Variants in DOCK3 observed in about 807,000 individuals in gnomAD.
DOCK3 encodes dedicator of cytokinesis protein 3.
DOCK3 carries 60 observed loss-of-function variants against 265.6 expected under a neutral mutation model. The observed-to-expected ratio is 0.23, with a 90% CI of 0.18 to 0.28. DOCK3 has a LOEUF of 0.28. DOCK3 is among the 10% of genes least tolerant of loss of function. DOCK3 has a pLI of 1.00. For missense variants in DOCK3, 1,981 were observed against 2,594.3 expected (o/e 0.76, Z 5.14); for synonymous variants, 881 against 938.0 (o/e 0.94, Z 1.11).
chr3:51,002,670 A>G (rs143150255), intron 5 of DOCK3, among the ~76,000 whole-genome samples: 1 of 152,330 alleles, frequency 6.6e-6, no homozygotes, highest in East Asian at 1.9e-4. Flanking sequence ...ATTTGTTTAA[A>G]CAGCCTTGAA....
At chr3:51,294,225 G>A (rs539653603) in intron 27 of DOCK3, among the ~76,000 whole-genome samples, 1 of 152,226 alleles carries the variant, frequency 6.6e-6, no homozygotes, top group Non-Finnish European at 1.5e-5. Flanking sequence ...TTTTTAACAT[G>A]TGGTATATAT....
rs767610954 is a variant in DOCK3 at position 50,839,072 on chromosome 3, A to C, written c.122-2603A>C. 4.1e-4 allele frequency among the ~76,000 whole-genome samples: 63 copies of C among 152,238 alleles called. 1 individual carries two copies. The highest frequency in any genetic ancestry group is 2.6e-4 in the Non-Finnish European group (18 of 68,040). On this transcript the variant is annotated intron_variant, in intron 2 of 52. Coordinates refer to ENST00000266037, the MANE Select transcript of DOCK3 (RefSeq NM_004947.5). The stretch of plus-strand genomic sequence containing the variant: ...GGAGGAGGGTTGACTACAAGAGAGC[A>C]TGGTGTCACATTTGCATTATCATTA...
intron 49 of DOCK3, among the ~76,000 whole-genome samples, chr3:51,368,898 A>C (rs1466576075): frequency 6.6e-6 from 1 of 152,244 alleles, no homozygotes. Context: ...GCTGTTCTGC[A>C]GCGTCCACTG....
chr3:50,803,453 G>A (rs1384866937), intron 2 of DOCK3, among the ~76,000 whole-genome samples: 1 of 152,130 alleles, frequency 6.6e-6, no homozygotes, highest in African/African-American at 2.4e-5. Flanking sequence ...GAACAAAATG[G>A]AGTCTCCCAT....
intron 1 of DOCK3, among the ~76,000 whole-genome samples, chr3:50,710,509 A>T (rs2036690809): frequency 6.6e-6 from 1 of 152,170 alleles, no homozygotes; most frequent in Non-Finnish European, 1.5e-5. Flanking sequence ...ATAATAATAA[A>T]AAGATGTTGA....
intron 1 of DOCK3, among the ~76,000 whole-genome samples, chr3:50,708,067 G>A (rs1482698325): frequency 6.6e-6 from 1 of 152,204 alleles, no homozygotes; most frequent in Non-Finnish European, 1.5e-5. Flanking sequence ...CACTTGGATA[G>A]CATGTGCAGA....
intron 9 of DOCK3, among the ~76,000 whole-genome samples, chr3:51,107,096 C>G (rs762148176): frequency 5.3e-5 from 8 of 152,144 alleles, no homozygotes; most frequent in African/African-American, 1.4e-4. Context: ...CTGAGCTGAG[C>G]CTTGGTCTCC....
intron 9 of DOCK3, among the ~76,000 whole-genome samples, chr3:51,093,085 T>C (rs1302200972): frequency 6.6e-6 from 1 of 152,206 alleles, no homozygotes; most frequent in Non-Finnish European, 1.5e-5. Context: ...ACCGTAGCCT[T>C]GTAGTATAGT....
chr3:51,006,252 C>CTT (rs11435468), intron 5 of DOCK3, among the ~76,000 whole-genome samples: 1,901 of 143,772 alleles, frequency 0.013, 41 homozygotes, highest in African/African-American at 0.037. Flanking sequence ...CCCAATCCTG[C>CTT]TTTTTTTTTT....
chr3:51,206,016 C>T (rs1410480365), intron 12 of DOCK3, among the ~76,000 whole-genome samples: 4 of 152,210 alleles, frequency 2.6e-5, no homozygotes, highest in African/African-American at 9.7e-5. Context: ...TGCTCCCATC[C>T]TCCTTGACTC....
At chr3:50,914,652 A>G (rs1364659165) in intron 4 of DOCK3, among the ~76,000 whole-genome samples, 2 of 152,068 alleles carry the variant, frequency 1.3e-5, no homozygotes, top group Non-Finnish European at 2.9e-5. Flanking sequence ...TGATGATATG[A>G]ATGTTTATTC....
chr3:51,188,278 T>C (rs1560181012), intron 12 of DOCK3, among the ~76,000 whole-genome samples: 1 of 152,238 alleles, frequency 6.6e-6, no homozygotes, highest in African/African-American at 2.4e-5. Context: ...ATGCTAAACA[T>C]TGTAAGGCTA....
At chr3:51,144,932 A>G (rs1215854210) in intron 9 of DOCK3, among the ~76,000 whole-genome samples, 2 of 152,184 alleles carry the variant, frequency 1.3e-5, no homozygotes, top group Non-Finnish European at 2.9e-5. Context: ...TTTCCTTTAC[A>G]GTTGGTAGTA....
At chr3:50,818,799 C>T (rs937397156) in intron 2 of DOCK3, among the ~76,000 whole-genome samples, 1 of 152,162 alleles carries the variant, frequency 6.6e-6, no homozygotes, top group Admixed American at 6.5e-5. Flanking sequence ...TTTGTGGTGG[C>T]AGTCAGGTGT....
chr3:51,262,132 A>T (rs2079885611), intron 23 of DOCK3, among the ~76,000 whole-genome samples: 1 of 152,178 alleles, frequency 6.6e-6, no homozygotes, highest in South Asian at 2.1e-4. Context: ...GACATCTCCC[A>T]GTAGGGGATG....
rs564498227 is a variant in DOCK3, at chr3:50,987,961, G to A, written c.315+53884G>A. Among the ~76,000 whole-genome samples, 9 of 152,196 alleles carry A rather than the reference G, an allele frequency of 5.9e-5. No homozygotes were observed. In the East Asian group the frequency reaches 1.4e-3, roughly 23 times the overall value. ...TGGAGTCTTAGATATTTGGGCTTTCGGGCAAAAGTAGCTGAAAAGTAGGAG... is the reference window on the plus strand; with the variant it reads ...TGGAGTCTTAGATATTTGGGCTTTCAGGCAAAAGTAGCTGAAAAGTAGGAG... On this transcript the variant is annotated intron_variant, in intron 5 of 52. Transcript: ENST00000266037.
At position 51,204,994 on chromosome 3, in the gene DOCK3, C is replaced by T. The variant is rs946931685; in HGVS notation, c.1038-3780C>T. ...GAACACATGGACACAGGACGGGGAA[C>T]ATCACACTCTGGGGACTGTTGTGGG... is the stretch of plus-strand genomic sequence containing the variant. On this transcript the variant is annotated intron_variant, in intron 12 of 52. Coordinates refer to ENST00000266037, the MANE Select transcript of DOCK3 (RefSeq NM_004947.5). Among the ~76,000 whole-genome samples the T allele has an allele frequency of 7.4e-5, 11 of 148,754 alleles. 1 individual carries two copies. The highest frequency in any genetic ancestry group is 7.4e-4 in the Admixed American group (11 of 14,948).
chr3:50,970,069 C>T (rs2108454831), intron 5 of DOCK3, among the ~76,000 whole-genome samples: 1 of 147,334 alleles, frequency 6.8e-6, no homozygotes, highest in South Asian at 2.2e-4. Flanking sequence ...AAGACTCCAT[C>T]TTAAAAAAGA....
At chr3:51,282,184 C>T (rs571903053) in intron 27 of DOCK3, among the ~76,000 whole-genome samples, 134 of 152,218 alleles carry the variant, frequency 8.8e-4, no homozygotes, top group African/African-American at 3.1e-3. Flanking sequence ...TTGTGGAATG[C>T]TGAGAGAGGC....
Sources: allele counts gnomAD v4.1 joint callset (sites outside exome capture counted in the v4.1 genomes callset), GRCh38; gene constraint gnomAD v4.1.1; transcripts MANE v1.5; gene names NCBI Gene and HGNC (gene_info 2026-07-23, HGNC 2026-07-21).